Variants in RPGRIP1L observed in about 807,000 individuals in gnomAD.
RPGRIP1L encodes protein fantom.
In RPGRIP1L, 131 loss-of-function variants were observed where a neutral mutation model predicts 160.4. That is an observed-to-expected ratio of 0.82 (90% CI 0.71 to 0.94). RPGRIP1L has a LOEUF of 0.94. RPGRIP1L is among the 40% of genes least tolerant of loss of function. The probability of loss-of-function intolerance (pLI) is 0.00; values close to 1 mark genes in which losing one functional copy is unlikely to be tolerated. For synonymous variants in RPGRIP1L, 510 were observed against 515.8 expected (o/e 0.99, Z 0.15); for missense variants, 1,522 against 1,535.8 (o/e 0.99, Z 0.15).
At chr16:53,624,899 G>T (rs1964987005) in intron 22 of RPGRIP1L, among the ~76,000 whole-genome samples, 1 of 151,988 alleles carries the variant, frequency 6.6e-6, no homozygotes, top group Non-Finnish European at 1.5e-5. Flanking sequence ...CCGAGTGCCT[G>T]GGATTGCAGG....
intron 6 of RPGRIP1L, among the ~76,000 whole-genome samples, chr16:53,682,722 G>A (rs764928309): frequency 6.6e-6 from 1 of 152,138 alleles, no homozygotes; most frequent in African/African-American, 2.4e-5. Context: ...CATTTACTAA[G>A]ATCACCATAT....
intron 24 of RPGRIP1L, among the ~76,000 whole-genome samples, chr16:53,614,020 C>G (rs1158673296): frequency 6.6e-6 from 1 of 152,148 alleles, no homozygotes; most frequent in African/African-American, 2.4e-5. Flanking sequence ...CCAAAGTTTT[C>G]CTGTTTAAGC....
intron 22 of RPGRIP1L, among the ~76,000 whole-genome samples, chr16:53,627,623 A>C (rs1313061735): frequency 1.3e-5 from 2 of 152,036 alleles, no homozygotes; most frequent in Admixed American, 6.6e-5. Context: ...ACATGCCTTT[A>C]TATTTTCTAC....
Position 53,652,528 on chromosome 16 carries a change from T to C in RPGRIP1L, c.2152+7A>G. The stretch of plus-strand genomic sequence containing the variant: ...TCAAACACCCAAGGCTTATACATTG[T>C]ACTTACCAATCAAACTTGCTGTACA... On this transcript the variant is annotated splice_region_variant and intron_variant, in intron 15 of 26. Transcript: ENST00000647211. 1 of 1,607,968 alleles carries C rather than the reference T, an allele frequency of 6.2e-7. No individual in the cohort carries two copies. The highest frequency in any genetic ancestry group is 8.5e-7 in the Non-Finnish European group (1 of 1,174,530).
At chr16:53,653,031 A>G (rs1221430570) in intron 14 of RPGRIP1L, 44 bp from the exon 15 acceptor site, 1 of 1,515,518 alleles carries the variant, frequency 6.6e-7, no homozygotes, top group Non-Finnish European at 9.1e-7. Context: ...AAATATTGAC[A>G]TGAGAAAATG....
At chr16:53,696,838 T>G (rs1252215858) in intron 2 of RPGRIP1L, among the ~76,000 whole-genome samples, 3 of 152,234 alleles carry the variant, frequency 2.0e-5, no homozygotes, top group Non-Finnish European at 2.9e-5. Flanking sequence ...CTTATATAAA[T>G]TTTAAGAACG....
At chr16:53,674,625 T>C (rs964763027) in intron 7 of RPGRIP1L, among the ~76,000 whole-genome samples, 1 of 152,168 alleles carries the variant, frequency 6.6e-6, no homozygotes, top group Admixed American at 6.5e-5. Context: ...ATTACTTTGG[T>C]CTATTGCCAA....
intron 1 of RPGRIP1L, among the ~76,000 whole-genome samples, chr16:53,701,474 C>G (rs1027393966): frequency 6.7e-6 from 1 of 149,768 alleles, no homozygotes; most frequent in Non-Finnish European, 1.5e-5. Context: ...CAGAAATACA[C>G]CATAGTAACT....
intron 17 of RPGRIP1L, among the ~76,000 whole-genome samples, chr16:53,642,340 C>G (rs1598302045): frequency 6.6e-6 from 1 of 151,914 alleles, no homozygotes; most frequent in South Asian, 2.1e-4. Flanking sequence ...ACTACAGGCA[C>G]CGGCTCAAAC....
intron 25 of RPGRIP1L, among the ~76,000 whole-genome samples, chr16:53,606,787 T>A (rs553723480): frequency 6.6e-6 from 1 of 152,268 alleles, no homozygotes; most frequent in East Asian, 1.9e-4. Flanking sequence ...CTAATTTTTG[T>A]ATTTTTAGTA....
At chr16:53,686,288 A>C (rs1970007282) in intron 6 of RPGRIP1L, 145 bp downstream of exon 6, 1 of 866,628 alleles carries the variant, frequency 1.2e-6, no homozygotes, top group East Asian at 2.7e-5. Flanking sequence ...AGCAGTTAGT[A>C]GGTCGAGCAT....
intron 18 of RPGRIP1L, 68 bp downstream of exon 18, chr16:53,641,217 G>T: frequency 6.6e-7 from 1 of 1,526,684 alleles, no homozygotes; most frequent in Non-Finnish European, 9.0e-7. Flanking sequence ...GGGGGTGGCA[G>T]CTTAGTTCTT....
chr16:53,657,748 A>T, intron 12 of RPGRIP1L, 116 bp from the exon 13 acceptor site: 1 of 651,526 alleles, frequency 1.5e-6, no homozygotes, highest in Non-Finnish European at 2.6e-6. Context: ...CAATTTCATT[A>T]ATTGAAAACA....
At chr16:53,687,545 T>A (rs1182464762) in intron 5 of RPGRIP1L, among the ~76,000 whole-genome samples, 1 of 152,166 alleles carries the variant, frequency 6.6e-6, no homozygotes, top group Non-Finnish European at 1.5e-5. Context: ...AAAAATTACC[T>A]GTGATTTTCT....
chr16:53,652,370 G>A (rs1485768945), intron 15 of RPGRIP1L, among the ~76,000 whole-genome samples, 165 bp downstream of exon 15: 1 of 152,194 alleles, frequency 6.6e-6, no homozygotes. Flanking sequence ...ACTGTGCTCG[G>A]CATCAGTGAC....
intron 11 of RPGRIP1L, 131 bp downstream of exon 11, chr16:53,658,641 T>C (rs1050645569): frequency 7.2e-6 from 6 of 830,992 alleles, no homozygotes; most frequent in South Asian, 6.0e-5. Flanking sequence ...AACTACCTGA[T>C]AGCATGAGTT....
At chr16:53,607,019 G>T (rs747462135) in intron 25 of RPGRIP1L, among the ~76,000 whole-genome samples, 1 of 152,188 alleles carries the variant, frequency 6.6e-6, no homozygotes, top group Non-Finnish European at 1.5e-5. Context: ...CTTCAAGGTG[G>T]TACGAAGGAA....
At chr16:53,668,261 T>C (rs781560293) in intron 9 of RPGRIP1L, among the ~76,000 whole-genome samples, 24 of 152,206 alleles carry the variant, frequency 1.6e-4, no homozygotes, top group Non-Finnish European at 3.2e-4. Context: ...AGGGCACAGA[T>C]GCTCACTTTA....
At chr16:53,665,086 G>A in intron 9 of RPGRIP1L, 77 bp from the exon 10 acceptor site, 1 of 1,548,930 alleles carries the variant, frequency 6.5e-7, no homozygotes, top group Non-Finnish European at 8.8e-7. Context: ...AAAGCTTTTA[G>A]TGGCGCAGAG....
Sources: gnomAD v4.1 joint callset for allele counts (sites outside exome capture counted in the v4.1 genomes callset) on GRCh38, gnomAD v4.1.1 for gene constraint, MANE v1.5 for transcripts, NCBI Gene and HGNC (gene_info 2026-07-23, HGNC 2026-07-21) for gene names.